Variants in AKAP19 observed in about 807,000 individuals in gnomAD.
The protein encoded by AKAP19 is A-kinase anchoring protein 19.
chr2:189,939,683 A>G, the AKAP19 span, among the ~76,000 whole-genome samples: 1 of 152,226 alleles, frequency 6.6e-6, no homozygotes, highest in African/African-American at 2.4e-5. Flanking sequence ...CAGAAAAGCA[A>G]TTCAGAAACT....
chr2:189,989,060 C>G, the AKAP19 span, among the ~76,000 whole-genome samples: 17 of 152,250 alleles, frequency 1.1e-4, no homozygotes, highest in East Asian at 3.3e-3. Flanking sequence ...CTAGACTGTT[C>G]TTTTAGATTG....
At chr2:189,985,935 G>A in the AKAP19 span, among the ~76,000 whole-genome samples, 2 of 151,998 alleles carry the variant, frequency 1.3e-5, no homozygotes, top group South Asian at 4.2e-4. Context: ...ATCTACTTGG[G>A]TGTCCTCAAA....
chr2:189,927,101 C>T, the AKAP19 span, among the ~76,000 whole-genome samples: 5 of 151,868 alleles, frequency 3.3e-5, no homozygotes, highest in Non-Finnish European at 7.4e-5. Flanking sequence ...TCTCTGTTGC[C>T]CAGGCTGGTC....
chr2:190,192,061 G>T, the AKAP19 span, among the ~76,000 whole-genome samples: 1 of 151,460 alleles, frequency 6.6e-6, no homozygotes, highest in Non-Finnish European at 1.5e-5. Flanking sequence ...CAAATGTTTT[G>T]TCTTCTTGTT....
At chr2:189,888,219 C>T in the AKAP19 span, among the ~76,000 whole-genome samples, 2 of 152,132 alleles carry the variant, frequency 1.3e-5, no homozygotes, top group African/African-American at 4.8e-5. Context: ...AATCCTTTTC[C>T]CATTGCTTGT....
the AKAP19 span, chr2:189,923,505 A>G: frequency 2.5e-5 from 40 of 1,613,772 alleles, no homozygotes; most frequent in Non-Finnish European, 3.1e-5. Context: ...TTCTTTCAGT[A>G]TGTTAATGAG....
the AKAP19 span, among the ~76,000 whole-genome samples, chr2:190,199,109 A>G: frequency 6.6e-6 from 1 of 152,260 alleles, no homozygotes; most frequent in Non-Finnish European, 1.5e-5. Flanking sequence ...GGATAAAGCC[A>G]GACTCTAACA....
At chr2:190,173,080 A>G in the AKAP19 span, among the ~76,000 whole-genome samples, 1 of 151,798 alleles carries the variant, frequency 6.6e-6, no homozygotes, top group Non-Finnish European at 1.5e-5. Context: ...ATGCCACTGC[A>G]CTCCAGCCTC....
the AKAP19 span, among the ~76,000 whole-genome samples, chr2:190,098,736 A>G: frequency 2.0e-5 from 3 of 152,194 alleles, no homozygotes; most frequent in Non-Finnish European, 4.4e-5. Flanking sequence ...ATCTTCCAAT[A>G]TAAGGCTGTC....
the AKAP19 span, among the ~76,000 whole-genome samples, chr2:189,936,259 T>TAC: frequency 0.6 from 89,272 of 148,868 alleles, 28,578 homozygotes; most frequent in South Asian, 0.74. Flanking sequence ...GACTTGTTGA[T>TAC]ACACACACAC....
At chr2:190,198,723 T>C in the AKAP19 span, among the ~76,000 whole-genome samples, 1 of 148,618 alleles carries the variant, frequency 6.7e-6, no homozygotes, top group Non-Finnish European at 1.5e-5. Context: ...TAAGATACAA[T>C]CAGGGACCAT....
the AKAP19 span, among the ~76,000 whole-genome samples, chr2:189,990,122 T>A: frequency 6.6e-6 from 1 of 152,182 alleles, no homozygotes; most frequent in Non-Finnish European, 1.5e-5. Flanking sequence ...TGCTTTAACA[T>A]CTTTGTTGCT....
chr2:190,181,251 C>G, the AKAP19 span: 1 of 679,128 alleles, frequency 1.5e-6, no homozygotes, highest in Non-Finnish European at 1.8e-6. Flanking sequence ...CCGTTCTCAG[C>G]CAGCTGCCGT....
At chr2:189,968,719 C>T in the AKAP19 span, among the ~76,000 whole-genome samples, 1 of 151,852 alleles carries the variant, frequency 6.6e-6, no homozygotes, top group Non-Finnish European at 1.5e-5. Context: ...CCTTCATAAG[C>T]CCCCACTCCA....
chr2:190,130,102 G>A, the AKAP19 span, among the ~76,000 whole-genome samples: 2 of 152,112 alleles, frequency 1.3e-5, no homozygotes, highest in Admixed American at 6.5e-5. Context: ...ACCAGGGCAG[G>A]CTAAGTGACC....
At chr2:190,166,015 A>G in the AKAP19 span, among the ~76,000 whole-genome samples, 6 of 152,158 alleles carry the variant, frequency 3.9e-5, no homozygotes, top group African/African-American at 9.6e-5. Flanking sequence ...TGAGTTTACC[A>G]CTTAGATCTT....
the AKAP19 span, among the ~76,000 whole-genome samples, chr2:190,058,123 A>G: frequency 2.0e-5 from 3 of 152,078 alleles, no homozygotes; most frequent in African/African-American, 7.2e-5. Flanking sequence ...GAAAACTTGG[A>G]CAATAAAACC....
the AKAP19 span, among the ~76,000 whole-genome samples, chr2:190,067,367 C>T: frequency 8.5e-5 from 13 of 152,308 alleles, no homozygotes; most frequent in South Asian, 2.5e-3. Flanking sequence ...CTTGGAGAAC[C>T]ATATGCCCAA....
At chr2:189,898,937 C>T in the AKAP19 span, among the ~76,000 whole-genome samples, 41 of 152,236 alleles carry the variant, frequency 2.7e-4, no homozygotes, top group African/African-American at 9.4e-4. Flanking sequence ...TATAGTCTGA[C>T]CTCCATATAC....
Sources: allele counts gnomAD v4.1 joint callset (sites outside exome capture counted in the v4.1 genomes callset), GRCh38; gene constraint gnomAD v4.1.1; transcripts MANE v1.5; gene names NCBI Gene and HGNC (gene_info 2026-07-23, HGNC 2026-07-21).